The following SLC8A1 variants were observed in gnomAD, a reference collection of about 807,000 sequenced individuals.
The protein encoded by SLC8A1 is sodium/calcium exchanger 1.
In SLC8A1, 18 loss-of-function variants were observed where a neutral mutation model predicts 68.3. That is an observed-to-expected ratio of 0.26 (90% CI 0.18 to 0.39). The LOEUF (loss-of-function observed/expected upper bound fraction) is 0.39. SLC8A1 is among the 10% of genes least tolerant of loss of function. The pLI, the probability that SLC8A1 is intolerant of heterozygous loss-of-function variation, is 1.00. For missense variants in SLC8A1, 985 were observed against 1,156.7 expected (o/e 0.85, Z 2.15); for synonymous variants, 475 against 415.5 (o/e 1.14, Z -1.74).
intron 2 of SLC8A1, among the ~76,000 whole-genome samples, chr2:40,282,989 A>C (rs937354753): frequency 2.0e-5 from 3 of 152,202 alleles, no homozygotes; most frequent in Non-Finnish European, 4.4e-5. Flanking sequence ...CTGAAAAGAC[A>C]TGATTTTTAT....
chr2:40,292,898 T>C (rs571684973), intron 2 of SLC8A1, among the ~76,000 whole-genome samples: 1 of 152,140 alleles, frequency 6.6e-6, no homozygotes, highest in Non-Finnish European at 1.5e-5. Flanking sequence ...AGGTAGGGCA[T>C]AGAGAATACG....
At chr2:40,324,028 T>G (rs948396579) in intron 2 of SLC8A1, among the ~76,000 whole-genome samples, 19 of 134,992 alleles carry the variant, frequency 1.4e-4, no homozygotes, top group African/African-American at 4.4e-4. Flanking sequence ...AAGTTAAAGG[T>G]GGGGGGGGGG....
At chr2:40,205,636 G>A (rs1180857984) in intron 2 of SLC8A1, among the ~76,000 whole-genome samples, 1 of 151,912 alleles carries the variant, frequency 6.6e-6, no homozygotes, top group Non-Finnish European at 1.5e-5. Context: ...AACACACACT[G>A]GGGCCTTTCA....
At chr2:40,367,367 A>C (rs576935002) in intron 2 of SLC8A1, among the ~76,000 whole-genome samples, 4 of 152,086 alleles carry the variant, frequency 2.6e-5, no homozygotes, top group Non-Finnish European at 4.4e-5. Flanking sequence ...ATTGTGCTAT[A>C]ATATTCTAAC....
chr2:40,284,171 G>A (rs2067914102), intron 2 of SLC8A1, among the ~76,000 whole-genome samples: 1 of 151,516 alleles, frequency 6.6e-6, no homozygotes, highest in Non-Finnish European at 1.5e-5. Flanking sequence ...CTAGATATCT[G>A]TATCTATAGA....
chr2:40,174,663 GTA>G, intron 4 of SLC8A1, 41 bp downstream of exon 6: 3 of 1,449,816 alleles, frequency 2.1e-6, no homozygotes, highest in Non-Finnish European at 2.9e-6. Flanking sequence ...ATGGTTAAGG[GTA>G]TTTGGGGAAA....
At chr2:40,403,151 T>G in intron 2 of SLC8A1, among the ~76,000 whole-genome samples, 1 of 152,200 alleles carries the variant, frequency 6.6e-6, no homozygotes, top group East Asian at 1.9e-4. Flanking sequence ...TAATCCTCAT[T>G]GAATATGAAA....
intron 2 of SLC8A1, among the ~76,000 whole-genome samples, chr2:40,373,198 A>G (rs1678721753): frequency 6.6e-6 from 1 of 152,060 alleles, no homozygotes; most frequent in African/African-American, 2.4e-5. Flanking sequence ...AGTGGCTTAC[A>G]AAAGAGTGAA....
chr2:40,338,191 C>T (rs893690077), intron 2 of SLC8A1, among the ~76,000 whole-genome samples: 2 of 152,068 alleles, frequency 1.3e-5, no homozygotes. Flanking sequence ...TAGCATCATG[C>T]ATCTTTTTCA....
At chr2:40,275,227 T>C (rs2066544592) in intron 2 of SLC8A1, among the ~76,000 whole-genome samples, 1 of 152,176 alleles carries the variant, frequency 6.6e-6, no homozygotes, top group Non-Finnish European at 1.5e-5. Context: ...GTATATACCT[T>C]TGCAGGTAAG....
At chr2:40,443,795 A>G (rs1453322372) in intron 1 of SLC8A1, among the ~76,000 whole-genome samples, 1 of 152,162 alleles carries the variant, frequency 6.6e-6, no homozygotes, top group African/African-American at 2.4e-5. Context: ...TTCTGCTAAC[A>G]ATCTGCAGCT....
chr2:40,145,194 CTCTG>C (rs933817229), intron 6 of SLC8A1, among the ~76,000 whole-genome samples: 11 of 70,880 alleles, frequency 1.6e-4, no homozygotes, highest in African/African-American at 8.2e-4. Context: ...ATTTTTCTTT[CTCTG>C]TCTGGCTTCT....
chr2:40,333,410 C>T (rs541833679), intron 2 of SLC8A1, among the ~76,000 whole-genome samples: 54 of 142,120 alleles, frequency 3.8e-4, no homozygotes, highest in Non-Finnish European at 6.6e-4. Flanking sequence ...TGCACTCCAG[C>T]CTGGGCAAGA....
At chr2:40,297,163 T>C (rs996790580) in intron 2 of SLC8A1, among the ~76,000 whole-genome samples, 3 of 152,196 alleles carry the variant, frequency 2.0e-5, no homozygotes, top group African/African-American at 7.2e-5. Flanking sequence ...GCAGACATTA[T>C]ATCCTATTCA....
intron 2 of SLC8A1, among the ~76,000 whole-genome samples, chr2:40,405,919 A>T (rs1207181455): frequency 6.6e-6 from 1 of 152,228 alleles, no homozygotes; most frequent in Non-Finnish European, 1.5e-5. Flanking sequence ...TTTGAAAATG[A>T]TTAGCATGAC....
intron 2 of SLC8A1, among the ~76,000 whole-genome samples, chr2:40,355,934 C>G (rs751309482): frequency 4.6e-5 from 7 of 152,162 alleles, no homozygotes; most frequent in Non-Finnish European, 7.4e-5. Flanking sequence ...CTCTGCTTTG[C>G]CCCTTGGCCC....
chr2:40,197,421 T>C (rs2053256671), intron 2 of SLC8A1, among the ~76,000 whole-genome samples: 1 of 152,016 alleles, frequency 6.6e-6, no homozygotes, highest in Admixed American at 6.6e-5. Context: ...AAGGAAAATG[T>C]TCCTTAGGAA....
chr2:40,201,101 C>T (rs2054281261), intron 2 of SLC8A1, among the ~76,000 whole-genome samples: 2 of 151,016 alleles, frequency 1.3e-5, no homozygotes, highest in Non-Finnish European at 3.0e-5. Context: ...GAACGGAGAC[C>T]CCCACTCCCT....
At chr2:40,411,420 T>C (rs551020600) in intron 2 of SLC8A1, among the ~76,000 whole-genome samples, 3 of 152,184 alleles carry the variant, frequency 2.0e-5, no homozygotes, top group South Asian at 2.1e-4. Flanking sequence ...TCTCTTAAAA[T>C]AGCTTTGTGA....
Sources: allele counts gnomAD v4.1 joint callset (sites outside exome capture counted in the v4.1 genomes callset), GRCh38; gene constraint gnomAD v4.1.1; transcripts MANE v1.5; gene names NCBI Gene and HGNC (gene_info 2026-07-23, HGNC 2026-07-21).